Variants in SLC25A21 observed in about 807,000 individuals in gnomAD.
The protein encoded by SLC25A21 is solute carrier family 25 member 21.
Under a neutral mutation model 43.8 loss-of-function variants are expected in SLC25A21, and 47 were observed. That is an observed-to-expected ratio of 1.07 (90% CI 0.85 to 1.37). The LOEUF is 1.37. Ranked by LOEUF, SLC25A21 falls within the 40% of genes most tolerant of loss-of-function variation. The pLI, the probability that SLC25A21 is intolerant of heterozygous loss-of-function variation, is 0.00. For synonymous variants in SLC25A21, 131 were observed against 121.3 expected, an observed-to-expected ratio of 1.08 and a Z score of -0.52; for missense variants, 352 against 350.2, an observed-to-expected ratio of 1.00 and a Z score of -0.04.
intron 7 of SLC25A21, among the ~76,000 whole-genome samples, chr14:36,707,320 A>G (rs1883615707): frequency 6.6e-6 from 1 of 152,074 alleles, no homozygotes; most frequent in African/African-American, 2.4e-5. Context: ...TGTTACCTCC[A>G]TTGCCTTGTA....
At chr14:36,953,917 AG>A (rs1959256074) in intron 1 of SLC25A21, among the ~76,000 whole-genome samples, 1 of 152,232 alleles carries the variant, frequency 6.6e-6, no homozygotes, top group Non-Finnish European at 1.5e-5. Flanking sequence ...AATTGTAAAT[AG>A]CTTGGTTTTC....
At chr14:36,874,861 A>G in intron 2 of SLC25A21, 95 bp downstream of exon 2, 1 of 925,678 alleles carries the variant, frequency 1.1e-6, no homozygotes, top group Non-Finnish European at 1.6e-6. Flanking sequence ...GAGAGAAGCT[A>G]CCGGCCTGGG....
intron 9 of SLC25A21, among the ~76,000 whole-genome samples, chr14:36,681,912 G>A (rs4474609): frequency 0.18 from 26,638 of 152,130 alleles, 3,538 homozygotes; most frequent in African/African-American, 0.34. Context: ...GGTCATTAAT[G>A]TGTAGGTAAT....
At chr14:36,932,231 A>C (rs1263546743) in intron 1 of SLC25A21, among the ~76,000 whole-genome samples, 1 of 152,146 alleles carries the variant, frequency 6.6e-6, no homozygotes, top group Non-Finnish European at 1.5e-5. Flanking sequence ...ATTAAAAAAG[A>C]ATTAAAAGGG....
At chr14:37,003,873 T>C (rs1433005096) in intron 1 of SLC25A21, among the ~76,000 whole-genome samples, 1 of 152,154 alleles carries the variant, frequency 6.6e-6, no homozygotes, top group African/African-American at 2.4e-5. Context: ...AGATAGGTAC[T>C]TTCTTAATGT....
At chr14:36,991,550 T>A (rs1023138051) in intron 1 of SLC25A21, among the ~76,000 whole-genome samples, 3 of 152,190 alleles carry the variant, frequency 2.0e-5, no homozygotes, top group African/African-American at 7.2e-5. Context: ...GTAATTGTAT[T>A]AAGGCCTTAA....
At chr14:36,789,414 A>T (rs1383204407) in intron 3 of SLC25A21, among the ~76,000 whole-genome samples, 6 of 151,860 alleles carry the variant, frequency 4.0e-5, no homozygotes, top group Admixed American at 3.9e-4. Flanking sequence ...TTCTAAGAAA[A>T]CCATTGGTAG....
chr14:37,146,428 G>T (rs12879089), intron 1 of SLC25A21, among the ~76,000 whole-genome samples: 1 of 151,896 alleles, frequency 6.6e-6, no homozygotes, highest in Non-Finnish European at 1.5e-5. Context: ...TGTATTTTTA[G>T]TAGAAACAGA....
intron 4 of SLC25A21, among the ~76,000 whole-genome samples, chr14:36,732,893 T>C (rs187244778): frequency 6.6e-6 from 1 of 152,232 alleles, no homozygotes; most frequent in African/African-American, 2.4e-5. Context: ...GTCTCAATAA[T>C]TTTAAGGTAA....
At chr14:36,849,582 T>C (rs1206012186) in intron 2 of SLC25A21, among the ~76,000 whole-genome samples, 1 of 152,158 alleles carries the variant, frequency 6.6e-6, no homozygotes, top group Non-Finnish European at 1.5e-5. Flanking sequence ...TTCAATGAAA[T>C]ACAAATTTCT....
intron 1 of SLC25A21, among the ~76,000 whole-genome samples, chr14:37,104,225 C>T (rs75824020): frequency 0.056 from 8,597 of 152,172 alleles, 825 homozygotes; most frequent in African/African-American, 0.2. Flanking sequence ...GCCCTTATAA[C>T]AGGGGCTCAA....
chr14:36,827,603 A>G (rs1184683455), intron 2 of SLC25A21, among the ~76,000 whole-genome samples: 1 of 152,216 alleles, frequency 6.6e-6, no homozygotes, highest in Non-Finnish European at 1.5e-5. Flanking sequence ...CAGTGGTGAA[A>G]TCAGTATATT....
intron 1 of SLC25A21, among the ~76,000 whole-genome samples, chr14:37,092,408 T>C (rs1163517913): frequency 6.6e-6 from 1 of 152,122 alleles, no homozygotes; most frequent in Non-Finnish European, 1.5e-5. Flanking sequence ...TAGTGGACAG[T>C]AGTTGTTGCT....
intron 1 of SLC25A21, among the ~76,000 whole-genome samples, chr14:37,008,767 T>C (rs917004138): frequency 2.0e-5 from 3 of 152,052 alleles, no homozygotes; most frequent in South Asian, 2.1e-4. Context: ...AGATTTTTTT[T>C]CTCTGAAGTT....
chr14:37,032,900 A>C (rs1356807667), intron 1 of SLC25A21, among the ~76,000 whole-genome samples: 6 of 152,218 alleles, frequency 3.9e-5, no homozygotes, highest in Non-Finnish European at 7.3e-5. Flanking sequence ...GTACACAAGC[A>C]GACTGTTACA....
chr14:36,754,685 G>T (rs1885856835), intron 3 of SLC25A21, among the ~76,000 whole-genome samples: 1 of 151,224 alleles, frequency 6.6e-6, no homozygotes, highest in East Asian at 1.9e-4. Flanking sequence ...AGAATTTCCA[G>T]AATGATATAA....
chr14:36,772,039 G>A (rs998604256), intron 3 of SLC25A21, among the ~76,000 whole-genome samples: 3 of 152,070 alleles, frequency 2.0e-5, no homozygotes, highest in African/African-American at 7.2e-5. Context: ...CAACGAACAG[G>A]AAAGTTTGCC....
intron 3 of SLC25A21, among the ~76,000 whole-genome samples, chr14:36,768,245 G>C (rs1886487244): frequency 6.6e-6 from 1 of 152,152 alleles, no homozygotes; most frequent in Non-Finnish European, 1.5e-5. Flanking sequence ...AGGGAGCCAG[G>C]TGCAGTTTGA....
intron 2 of SLC25A21, among the ~76,000 whole-genome samples, chr14:36,814,972 T>G (rs1402198371): frequency 1.3e-5 from 2 of 152,142 alleles, no homozygotes; most frequent in Non-Finnish European, 2.9e-5. Context: ...ATATACACCA[T>G]GGAATACTAT....
Sources: gnomAD v4.1 joint callset for allele counts (sites outside exome capture counted in the v4.1 genomes callset) on GRCh38, gnomAD v4.1.1 for gene constraint, MANE v1.5 for transcripts, NCBI Gene and HGNC (gene_info 2026-07-23, HGNC 2026-07-21) for gene names.